The following CGRRF1 variants were observed in gnomAD, a reference collection of about 807,000 sequenced individuals.
CGRRF1 encodes cell growth regulator with ring finger domain 1.
In CGRRF1, 32 loss-of-function variants were observed where a neutral mutation model predicts 37.2. That is an observed-to-expected ratio of 0.86 (90% CI 0.65 to 1.16). CGRRF1 has a LOEUF of 1.16. Among genes scored for constraint, CGRRF1 ranks in the 50% most tolerant of loss-of-function variants. The pLI, the probability that CGRRF1 is intolerant of heterozygous loss-of-function variation, is 0.00. For synonymous variants in CGRRF1, 141 were observed against 140.3 expected (o/e 1.00, Z -0.04); for missense variants, 391 against 382.6 (o/e 1.02, Z -0.18).
Position 54,519,109 on chromosome 14 carries a change from A to AT in CGRRF1, c.105-3337dup, listed in dbSNP as rs1196854317. ...AGGCATGCACCACCATGCCCAGCTA[A>AT]TTTTTTTTGTATTTTTAGTAGAGAC... On this transcript the variant is annotated intron_variant, in intron 1 of 5. Coordinates refer to ENST00000216420, the MANE Select transcript of CGRRF1 (RefSeq NM_006568.3). Among the ~76,000 whole-genome samples, 7 of 151,398 alleles carry AT rather than the reference A, an allele frequency of 4.6e-5. 1 individual carries two copies. The highest frequency in any genetic ancestry group is 1.2e-4 in the African/African-American group (5 of 41,206).
chr14:54,537,616 T>C (rs1369374676), intron 4 of CGRRF1, 106 bp from the exon 5 acceptor site: 1 of 1,168,410 alleles, frequency 8.6e-7, no homozygotes. Flanking sequence ...TTTTCTTTTT[T>C]TTTGGCAGAA....
At chr14:54,521,418 G>A (rs566912524) in intron 1 of CGRRF1, among the ~76,000 whole-genome samples, 50 of 151,156 alleles carry the variant, frequency 3.3e-4, no homozygotes, top group African/African-American at 8.7e-4. Flanking sequence ...CCAAGATCAC[G>A]CCATTGCACT....
chr14:54,510,154 C>A, intron 1 of CGRRF1, 91 bp downstream of exon 1: 1 of 935,928 alleles, frequency 1.1e-6, no homozygotes, highest in Non-Finnish European at 1.7e-6. Context: ...CGGAGGGCCG[C>A]GGGCCGGAGG....
At chr14:54,511,906 G>T (rs1355951872) in intron 1 of CGRRF1, among the ~76,000 whole-genome samples, 1 of 152,178 alleles carries the variant, frequency 6.6e-6, no homozygotes, top group Non-Finnish European at 1.5e-5. Flanking sequence ...CAGTCATCTT[G>T]TGCCTAACCC....
In CGRRF1 at chr14:54,509,938, C is replaced by G. The variant is rs781606695; in HGVS notation, c.-22C>G. 3 of 1,578,556 alleles carry G rather than the reference C, an allele frequency of 1.9e-6. No homozygotes were observed. In the Admixed American group the frequency reaches 5.0e-5, roughly 26 times the overall value. On this transcript the variant is annotated 5_prime_UTR_variant, in exon 1 of 6. Coordinates refer to ENST00000216420, the MANE Select transcript of CGRRF1 (RefSeq NM_006568.3). ...GCTGGGCTCCGCGGCTGGAGCCGGG[C>G]TCTACCCAGAGCAAGACCCTGATGG...
intron 1 of CGRRF1, among the ~76,000 whole-genome samples, chr14:54,512,848 C>T (rs1368972365): frequency 1.3e-5 from 2 of 152,186 alleles, no homozygotes; most frequent in East Asian, 3.9e-4. Flanking sequence ...TCCATAGAGT[C>T]TCTCCTCCAC....
At chr14:54,523,760 G>A (rs189569952) in intron 2 of CGRRF1, among the ~76,000 whole-genome samples, 7 of 152,180 alleles carry the variant, frequency 4.6e-5, no homozygotes, top group African/African-American at 1.7e-4. Flanking sequence ...TCCAAAGAAA[G>A]GCAATGAATT....
intron 1 of CGRRF1, among the ~76,000 whole-genome samples, chr14:54,521,640 G>A (rs574439756): frequency 1.1e-4 from 16 of 151,702 alleles, no homozygotes; most frequent in African/African-American, 3.9e-4. Context: ...AAGTAGCTGG[G>A]TCTACAGGTC....
rs1045849477 is a variant in CGRRF1, at chr14:54,535,761, C to A, written c.571-1961C>A. ...TGGTTGCAAAATTATTATTTTCCAA[C>A]TGCAGCCCTCCCTCCAGTCGGTTCT... On this transcript the variant is annotated intron_variant, in intron 4 of 5. Coordinates refer to ENST00000216420, the MANE Select transcript of CGRRF1 (RefSeq NM_006568.3). Among the ~76,000 whole-genome samples the A allele has an allele frequency of 2.0e-5, 3 of 152,316 alleles. No individual in the cohort carries two copies. In the East Asian group the frequency reaches 5.8e-4, roughly 29 times the overall value.
chr14:54,518,443 G>A (rs1304060801), intron 1 of CGRRF1, among the ~76,000 whole-genome samples: 2 of 151,974 alleles, frequency 1.3e-5, no homozygotes, highest in African/African-American at 2.4e-5. Flanking sequence ...CCAGCTACTT[G>A]GGAGGCTGAG....
chr14:54,511,355 T>TA (rs1566505382), intron 1 of CGRRF1, among the ~76,000 whole-genome samples: 1 of 152,212 alleles, frequency 6.6e-6, no homozygotes, highest in Non-Finnish European at 1.5e-5. Flanking sequence ...AGACCAATCT[T>TA]ACACAATTGG....
At chr14:54,523,889 T>C (rs1296510060) in intron 2 of CGRRF1, among the ~76,000 whole-genome samples, 3 of 152,234 alleles carry the variant, frequency 2.0e-5, no homozygotes, top group Non-Finnish European at 2.9e-5. Flanking sequence ...GTCCCTTCTA[T>C]ACTTGCTTAC....
At chr14:54,519,225 C>T (rs1231649381) in intron 1 of CGRRF1, among the ~76,000 whole-genome samples, 3 of 150,002 alleles carry the variant, frequency 2.0e-5, no homozygotes, top group Non-Finnish European at 3.0e-5. Flanking sequence ...GGATCACAGG[C>T]GTGAGCTACT....
At chr14:54,520,652 T>G (rs1435199607) in intron 1 of CGRRF1, among the ~76,000 whole-genome samples, 1 of 152,230 alleles carries the variant, frequency 6.6e-6, no homozygotes, top group Non-Finnish European at 1.5e-5. Context: ...TAGAGAAGGA[T>G]ACAGCATTTA....
chr14:54,522,781 G>C (rs758991836), intron 2 of CGRRF1, among the ~76,000 whole-genome samples, 188 bp downstream of exon 2: 2 of 152,162 alleles, frequency 1.3e-5, no homozygotes, highest in Non-Finnish European at 2.9e-5. Flanking sequence ...CTTTACTCCT[G>C]AAGAATTTAT....
chr14:54,534,868 C>T (rs552928233), intron 4 of CGRRF1, among the ~76,000 whole-genome samples: 3 of 152,248 alleles, frequency 2.0e-5, no homozygotes, highest in African/African-American at 4.8e-5. Flanking sequence ...GAATGTACCA[C>T]TGTGCCCAGC....
chr14:54,513,623 T>A (rs554801538), intron 1 of CGRRF1, among the ~76,000 whole-genome samples: 50 of 146,670 alleles, frequency 3.4e-4, no homozygotes, highest in Admixed American at 1.0e-3. Flanking sequence ...TATGTAATGT[T>A]ATGTTATGTT....
At position 54,538,386 on chromosome 14, in the gene CGRRF1, A is replaced by G. The variant is rs374991869; in HGVS notation, c.*3A>G. On this transcript the variant is annotated 3_prime_UTR_variant, in exon 6 of 6. Coordinates refer to ENST00000216420, the MANE Select transcript of CGRRF1 (RefSeq NM_006568.3). Reference sequence around the variant, plus strand: ...AAGACAAACCGAAGACTCTTTGAAGACATCGTAACACTGAAAAGTACACTT... The same window carrying G: ...AAGACAAACCGAAGACTCTTTGAAGGCATCGTAACACTGAAAAGTACACTT... 2.0e-5 allele frequency: 31 copies of G among 1,583,520 alleles called. No individual in the cohort carries two copies. In the African/African-American group the frequency reaches 3.2e-4, roughly 17 times the overall value.
chr14:54,532,530 ATTATAATAG>A (rs529882577), intron 4 of CGRRF1, among the ~76,000 whole-genome samples: 53 of 152,298 alleles, frequency 3.5e-4, no homozygotes, highest in South Asian at 8.3e-4. Context: ...CGTAATTTGC[ATTATAATAG>A]TAACCATTTC....
Sources: gnomAD v4.1 joint callset for allele counts (sites outside exome capture counted in the v4.1 genomes callset) on GRCh38, gnomAD v4.1.1 for gene constraint, MANE v1.5 for transcripts, NCBI Gene and HGNC (gene_info 2026-07-23, HGNC 2026-07-21) for gene names.